Variants in DYRK3 observed in about 807,000 individuals in gnomAD.
DYRK3 encodes dual specificity tyrosine phosphorylation regulated kinase 3.
In DYRK3, 30 loss-of-function variants were observed where a neutral mutation model predicts 40.8. The ratio of observed to expected loss-of-function variants is 0.74; its 90% confidence interval spans 0.55 to 1.00. DYRK3 has a LOEUF of 1.00. Ranked by LOEUF, DYRK3 falls within the 50% of genes least tolerant of loss-of-function variation. DYRK3 has a pLI of 0.00. For missense variants in DYRK3, 699 were observed against 731.5 expected (o/e 0.96, Z 0.51); for synonymous variants, 272 against 260.7 (o/e 1.04, Z -0.42).
chr1:206,648,566 C>T lies in DYRK3; in HGVS notation c.1368C>T (p.Thr456=). The T allele has an allele frequency of 1.2e-6, 2 of 1,614,086 alleles. No homozygotes were observed. Among genetic ancestry groups the T allele is most frequent in the Non-Finnish European group, 1.7e-6 (2 of 1,180,004 alleles). ...TACCCCGCTACTGCTCTGTGACTAC[C>T]CAGGCAGATGGGAGGGTTGTGCTTG... ...KGIPRYCSVT[T]QADGRVVLVG... The change falls in exon 3 of 3, where the codon ACC becomes ACT. Residue 456 remains threonine, a synonymous_variant. Coordinates refer to ENST00000367109, the MANE Select transcript of DYRK3 (RefSeq NM_003582.4).
At chr1:206,638,182 C>G (rs1283630817) in intron 2 of DYRK3, among the ~76,000 whole-genome samples, 1 of 150,570 alleles carries the variant, frequency 6.6e-6, no homozygotes, top group Non-Finnish European at 1.5e-5. Flanking sequence ...TATTAGTATA[C>G]TAAAGAGAAC....
chr1:206,649,620 C>T lies in DYRK3; in HGVS notation c.*655C>T, dbSNP rs1300196180. ...CTCAAAGCATTTTACAGAAGCCTTA[C>T]CACTTTACTAAATAACCCTGTAAGG... On this transcript the variant is annotated 3_prime_UTR_variant, in exon 3 of 3. Transcript: ENST00000367109. Among the ~76,000 whole-genome samples the T allele has an allele frequency of 1.3e-5, 2 of 152,196 alleles. No homozygotes were observed. Among genetic ancestry groups the T allele is most frequent in the Non-Finnish European group, 1.5e-5 (1 of 68,044 alleles).
Position 206,649,122 on chromosome 1 carries a change from T to G in DYRK3, c.*157T>G, listed in dbSNP as rs1671561018. The G allele has an allele frequency of 1.9e-5, 15 of 795,378 alleles. No individual in the cohort carries two copies. In the South Asian group the frequency reaches 3.2e-4, roughly 17 times the overall value. 49.3% of individuals were successfully genotyped at this position (795,378 alleles called of 1,614,324 possible). On this transcript the variant is annotated 3_prime_UTR_variant, in exon 3 of 3. Transcript: ENST00000367109. ...TTTTATATGATTATAAAAGAATTCT[T>G]CAAGGGCTAATTACCTAACCAGCTT... is the stretch of plus-strand genomic sequence containing the variant.
In DYRK3 at chr1:206,647,971, A is replaced by C. The variant is rs182757711; in HGVS notation, c.773A>C (p.Glu258Ala). ...RQAAEEIRIL[E>A]HLKKQDKTGS... Reference sequence around the variant, plus strand: ...GCAGCTGAGGAGATCCGGATTTTGGAGCATCTTAAGAAACAGGATAAAACT... The same window carrying C: ...GCAGCTGAGGAGATCCGGATTTTGGCGCATCTTAAGAAACAGGATAAAACT... Residue 258 changes from glutamate (E) to alanine (A), a missense_variant, in exon 3 of 3, where the codon GAG (glutamate) becomes GCG (alanine). Physicochemically the swap from Glu to Ala is moderately radical, Grantham distance 107. Coordinates refer to ENST00000367109, the MANE Select transcript of DYRK3 (RefSeq NM_003582.4). 1 of 1,614,162 alleles carries C rather than the reference A, an allele frequency of 6.2e-7. No individual in the cohort carries two copies. The highest frequency in any genetic ancestry group is 2.2e-5 in the East Asian group (1 of 44,868).
At chr1:206,639,465 ATTTTTTT>A (rs11400833) in intron 2 of DYRK3, among the ~76,000 whole-genome samples, 1 of 118,536 alleles carries the variant, frequency 8.4e-6, no homozygotes, top group Admixed American at 9.5e-5. Context: ...ATTTTAACTG[ATTTTTTT>A]TTTTTTTTTT....
intron 2 of DYRK3, among the ~76,000 whole-genome samples, chr1:206,646,601 G>A (rs1014965637): frequency 1.3e-5 from 2 of 152,214 alleles, no homozygotes; most frequent in African/African-American, 4.8e-5. Flanking sequence ...GTGATTCAAT[G>A]AACTGAGTTA....
At position 206,648,550 on chromosome 1, in the gene DYRK3, A is replaced by G. The variant is rs1671535707; in HGVS notation, c.1352A>G (p.Tyr451Cys). ...ATTAATTCCAAGGGCATACCCCGCTACTGCTCTGTGACTACCCAGGCAGAT... is the reference window on the plus strand; with the variant it reads ...ATTAATTCCAAGGGCATACCCCGCTGCTGCTCTGTGACTACCCAGGCAGAT... ...YFINSKGIPR[Y>C]CSVTTQADGR... Residue 451 changes from tyrosine to cysteine, a missense_variant, in exon 3 of 3, where the codon TAC (tyrosine) becomes TGC (cysteine). Tyr to Cys is a radical substitution (Grantham distance 194). Transcript: ENST00000367109. The G allele has an allele frequency of 6.2e-7, 1 of 1,614,052 alleles. No individual in the cohort carries two copies. The highest frequency in any genetic ancestry group is 1.3e-5 in the African/African-American group (1 of 74,974).
intron 1 of DYRK3, chr1:206,636,178 C>T: frequency 2.6e-6 from 2 of 784,242 alleles, no homozygotes; most frequent in East Asian, 9.7e-5. Context: ...AACGGCTGAA[C>T]TCTTGGGGTT....
rs782331958 is a variant in DYRK3 at position 206,648,399 on chromosome 1, G to A, written c.1201G>A (p.Glu401Lys). Reference protein sequence around the residue: ...DIWSFGCILAELLTGQPLFPG... With the variant: ...DIWSFGCILAKLLTGQPLFPG... ...ATGGAGTTTTGGCTGCATCCTTGCA[G>A]AACTTTTAACAGGACAGCCTCTCTT... The change falls in exon 3 of 3, where the codon GAA becomes AAA. Residue 401 changes from glutamate (E) to lysine (K), a missense_variant. Physicochemically the swap from Glu to Lys is moderately conservative, Grantham distance 56. Coordinates refer to ENST00000367109, the MANE Select transcript of DYRK3 (RefSeq NM_003582.4). 6.2e-7 allele frequency: 1 copy of A among 1,614,188 alleles called. No individual in the cohort carries two copies. The highest frequency in any genetic ancestry group is 1.1e-5 in the South Asian group (1 of 91,088).
chr1:206,637,634 T>A lies in DYRK3; in HGVS notation c.78-16T>A, dbSNP rs1671153042. The A allele has an allele frequency of 1.3e-6, 2 of 1,578,760 alleles. No individual in the cohort carries two copies. The highest frequency in any genetic ancestry group is 1.7e-6 in the Non-Finnish European group (2 of 1,148,616). On this transcript the variant is annotated splice_polypyrimidine_tract_variant and intron_variant, in intron 1 of 2. Transcript: ENST00000367109. Reference sequence around the variant, plus strand: ...TTCAGTTCCTGACAGATTTTGTCTGTAATCCTTTTAACTAGGTTGGGGGAT... The same window carrying A: ...TTCAGTTCCTGACAGATTTTGTCTGAAATCCTTTTAACTAGGTTGGGGGAT...
chr1:206,641,902 G>A (rs1308420112), intron 2 of DYRK3, among the ~76,000 whole-genome samples: 1 of 150,590 alleles, frequency 6.6e-6, no homozygotes, highest in Non-Finnish European at 1.5e-5. Flanking sequence ...CAAATGCAAC[G>A]GCAACAAAAG....
At chr1:206,635,927 C>G in intron 1 of DYRK3, 147 bp downstream of exon 1, 1 of 1,311,434 alleles carries the variant, frequency 7.6e-7, no homozygotes, top group Non-Finnish European at 9.7e-7. Flanking sequence ...GGGACCGCCC[C>G]CACCTCCTCT....
chr1:206,636,108 A>G, intron 1 of DYRK3: 1 of 1,402,032 alleles, frequency 7.1e-7, no homozygotes, highest in Non-Finnish European at 9.6e-7. Context: ...TTTTTATTAA[A>G]GGGGGGGAGC....
At chr1:206,636,786 TC>T in intron 1 of DYRK3, 1 of 728,162 alleles carries the variant, frequency 1.4e-6, no homozygotes, top group Non-Finnish European at 2.2e-6. Flanking sequence ...AACTGGGAAA[TC>T]CGTGTTCTTG....
intron 1 of DYRK3, 35 bp downstream of exon 1, chr1:206,635,815 C>T: frequency 8.0e-7 from 1 of 1,244,160 alleles, no homozygotes; most frequent in Non-Finnish European, 1.0e-6. Flanking sequence ...CTGGAGGCGC[C>T]ACAGGGAGCG....
chr1:206,647,601 G>C lies in DYRK3; in HGVS notation c.403G>C (p.Ala135Pro). 6.2e-7 allele frequency: 1 copy of C among 1,614,100 alleles called. No homozygotes were observed. The highest frequency in any genetic ancestry group is 8.5e-7 in the Non-Finnish European group (1 of 1,180,026). ...NTVKSNSSSK[A>P]PKVVPLTPEQ... Reference sequence around the variant, plus strand: ...AGTAAAATCCAACAGTTCATCCAAGGCACCCAAAGTGGTGCCTCTGACTCC... The same window carrying C: ...AGTAAAATCCAACAGTTCATCCAAGCCACCCAAAGTGGTGCCTCTGACTCC... Residue 135 changes from alanine to proline, a missense_variant, in exon 3 of 3, where the codon GCA becomes CCA. By Grantham distance (27) the Ala-to-Pro change is conservative. Coordinates refer to ENST00000367109, the MANE Select transcript of DYRK3 (RefSeq NM_003582.4).
At position 206,653,283 on chromosome 1, in the gene DYRK3, G is replaced by A. The variant is rs570483736; in HGVS notation, c.*4318G>A. On this transcript the variant is annotated 3_prime_UTR_variant, in exon 3 of 3. Transcript: ENST00000367109. ...TCCATGTGCCTTACCCTCTCAAAGT[G>A]CTGGGATTATAGGTGTGAGCGACCG... Among the ~76,000 whole-genome samples the A allele has an allele frequency of 6.6e-6, 1 of 152,272 alleles. No homozygotes were observed. The highest frequency in any genetic ancestry group is 2.4e-5 in the African/African-American group (1 of 41,534).
rs1553418437 is a variant in DYRK3, at chr1:206,636,886, CAGTGTTA to C, written c.78-762_78-756del. 5.0e-6 allele frequency: 8 copies of C among 1,608,398 alleles called. No individual in the cohort carries two copies. In the Admixed American group the frequency reaches 1.2e-4, roughly 24 times the overall value. On this transcript the variant is annotated intron_variant, in intron 1 of 2. Transcript: ENST00000367109. ...GTGTTCCCTTACAGTGGTGGAGCCA[CAGTGTTA>C]AAGAACAGAGAAGTGATCCTTAATC... is the stretch of plus-strand genomic sequence containing the variant.
intron 2 of DYRK3, 76 bp from the exon 3 acceptor site, chr1:206,647,312 T>TA: frequency 7.1e-7 from 1 of 1,400,718 alleles, no homozygotes; most frequent in Non-Finnish European, 9.7e-7. Flanking sequence ...GTTTTGTTGT[T>TA]ATTCAGTTGG....
Sources: allele counts gnomAD v4.1 joint callset (sites outside exome capture counted in the v4.1 genomes callset), GRCh38; gene constraint gnomAD v4.1.1; transcripts MANE v1.5; gene names NCBI Gene and HGNC (gene_info 2026-07-23, HGNC 2026-07-21).